ACER2: variants seen among roughly 807,000 people sequenced by gnomAD.
The protein encoded by ACER2 is alkaline ceramidase 2.
Under a neutral mutation model 34.7 loss-of-function variants are expected in ACER2, and 26 were observed. The ratio of observed to expected loss-of-function variants is 0.75; its 90% confidence interval spans 0.55 to 1.04. The LOEUF is 1.04. Among genes scored for constraint, ACER2 ranks in the 50% least tolerant of loss-of-function variants. The pLI, the probability that ACER2 is intolerant of heterozygous loss-of-function variation, is 0.00. For missense variants in ACER2, 352 were observed against 340.8 expected (o/e 1.03, Z -0.26); for synonymous variants, 138 against 132.1 (o/e 1.04, Z -0.31).
chr9:19,420,683 A>G (rs1433174423), intron 1 of ACER2, among the ~76,000 whole-genome samples: 1 of 152,192 alleles, frequency 6.6e-6, no homozygotes, highest in Non-Finnish European at 1.5e-5. Flanking sequence ...TGCTATAACA[A>G]AAGATCTTAG....
intron 4 of ACER2, among the ~76,000 whole-genome samples, chr9:19,436,306 TA>T (rs1830972303): frequency 6.6e-6 from 1 of 152,156 alleles, no homozygotes; most frequent in South Asian, 2.1e-4. Flanking sequence ...TGACGTTTTT[TA>T]AAAAACTAAT....
rs975310974 is a variant in ACER2, at chr9:19,450,237, A to G, written c.642-213A>G. On this transcript the variant is annotated intron_variant, in intron 5 of 5. Transcript: ENST00000340967. ...TTATCCAGCAGGACTATTTAAGAAC[A>G]TTCTAAAACGGGTCCCAAATTGCTG... The G allele has an allele frequency of 9.1e-6, 9 of 985,338 alleles. No individual in the cohort carries two copies. In the African/African-American group the frequency reaches 1.4e-4, roughly 15 times the overall value. 61.0% of individuals were successfully genotyped at this position (985,338 alleles called of 1,614,324 possible).
intron 1 of ACER2, among the ~76,000 whole-genome samples, chr9:19,417,387 A>G (rs1438107201): frequency 6.6e-6 from 1 of 152,226 alleles, no homozygotes; most frequent in Non-Finnish European, 1.5e-5. Context: ...TAAATTTCAT[A>G]TGGAAACAAA....
chr9:19,432,722 A>G (rs1264017325), intron 3 of ACER2, among the ~76,000 whole-genome samples: 2 of 147,952 alleles, frequency 1.4e-5, no homozygotes, highest in African/African-American at 2.5e-5. Context: ...TATATAATAT[A>G]TATTCTTTAC....
intron 3 of ACER2, among the ~76,000 whole-genome samples, chr9:19,428,029 T>G (rs1830629153): frequency 9.9e-6 from 1 of 101,136 alleles, no homozygotes; most frequent in Non-Finnish European, 2.1e-5. Flanking sequence ...TTTCCTTTCC[T>G]TTCCTTTCCT....
At chr9:19,448,525 T>A (rs922983865) in intron 5 of ACER2, among the ~76,000 whole-genome samples, 1 of 152,188 alleles carries the variant, frequency 6.6e-6, no homozygotes, top group African/African-American at 2.4e-5. Context: ...AAACACTTTA[T>A]AATGAACATC....
At position 19,443,236 on chromosome 9, in the gene ACER2, G is replaced by A. The variant is rs574538512; in HGVS notation, c.504-3045G>A. Among the ~76,000 whole-genome samples the A allele has an allele frequency of 4.2e-4, 64 of 152,246 alleles. No homozygotes were observed. In the South Asian group the frequency reaches 0.012, roughly 29 times the overall value. On this transcript the variant is annotated intron_variant, in intron 4 of 5. Transcript: ENST00000340967. ...TTTAGTAGAGACAGGGTTTCACCAC[G>A]TTAGCCAGGATGGTCTTGATCTCCT...
chr9:19,448,646 A>T (rs1415840882), intron 5 of ACER2, among the ~76,000 whole-genome samples: 5 of 152,168 alleles, frequency 3.3e-5, no homozygotes. Flanking sequence ...GTAAGAGAGC[A>T]TTTTTTACCC....
At chr9:19,433,007 C>T (rs1166850588) in intron 3 of ACER2, among the ~76,000 whole-genome samples, 1 of 151,970 alleles carries the variant, frequency 6.6e-6, no homozygotes, top group African/African-American at 2.4e-5. Context: ...ACGAAGAAAA[C>T]AGCTATCCAT....
Position 19,441,048 on chromosome 9 carries a change from C to CT in ACER2, c.504-5216dup, listed in dbSNP as rs539195950. 7.3e-3 allele frequency among the ~76,000 whole-genome samples: 1,017 copies of CT among 138,892 alleles called. 7 individuals carry two copies. The highest frequency in any genetic ancestry group is 0.019 in the Middle Eastern group (5 of 264). 91.1% of individuals were successfully genotyped at this position (138,892 alleles called of 152,430 possible). On this transcript the variant is annotated intron_variant, in intron 4 of 5. Coordinates refer to ENST00000340967, the MANE Select transcript of ACER2 (RefSeq NM_001010887.3). The stretch of plus-strand genomic sequence containing the variant: ...TCAGCACATTTTTCTTTTTCTTTTT[C>CT]TTTTTTTTTTTTTTTTTGAGACAGA...
At position 19,450,672 on chromosome 9, in the gene ACER2, C is replaced by T. The variant is rs369193535; in HGVS notation, c.*36C>T. 1.8e-3 allele frequency: 2,688 copies of T among 1,503,082 alleles called. 71 individuals carry two copies. In the South Asian group the frequency reaches 0.035, roughly 19 times the overall value. 93.1% of individuals were successfully genotyped at this position (1,503,082 alleles called of 1,614,324 possible). A position where few individuals can be genotyped will look rare whatever the true frequency, so the allele number is the denominator to read the frequency against. ...GTGGCTGGCTTCTCTGCTTATCGCC[C>T]CTCATGCAGTGGGCTTCCTTTGCTA... On this transcript the variant is annotated 3_prime_UTR_variant, in exon 6 of 6. Coordinates refer to ENST00000340967, the MANE Select transcript of ACER2 (RefSeq NM_001010887.3).
chr9:19,445,779 T>C (rs1480423996), intron 4 of ACER2, among the ~76,000 whole-genome samples: 2 of 152,176 alleles, frequency 1.3e-5, no homozygotes, highest in Non-Finnish European at 2.9e-5. Flanking sequence ...GTGAATACTT[T>C]GGCTTTCCCT....
At chr9:19,446,693 G>C in intron 5 of ACER2, 1 of 951,076 alleles carries the variant, frequency 1.1e-6, no homozygotes, top group Non-Finnish European at 1.3e-6. Context: ...AAAGCCTAAA[G>C]GAGCTTGAGA....
Position 19,424,839 on chromosome 9 carries a change from C to G in ACER2, c.363C>G (p.Asp121Glu), listed in dbSNP as rs1830511717. ...ATCTACCAAAGATCTTTCGGAATGA[C>G]CGGTAAGCTTGCACTAAACATTATT... The part of the protein sequence containing the change: ...RRYLPKIFRN[D>E]RGRFKVVVSV... Residue 121 changes from aspartate to glutamate, a missense_variant and splice_region_variant, in exon 3 of 6, where the codon GAC becomes GAG. Asp to Glu is a conservative substitution (Grantham distance 45). Coordinates refer to ENST00000340967, the MANE Select transcript of ACER2 (RefSeq NM_001010887.3). The G allele has an allele frequency of 1.2e-6, 2 of 1,614,130 alleles. No individual in the cohort carries two copies.
intron 3 of ACER2, among the ~76,000 whole-genome samples, chr9:19,431,633 A>G (rs1830756550): frequency 6.6e-6 from 1 of 152,206 alleles, no homozygotes; most frequent in Non-Finnish European, 1.5e-5. Flanking sequence ...TTCCTCCAGT[A>G]GACGAAGAAC....
At chr9:19,439,835 C>T (rs1005825901) in intron 4 of ACER2, among the ~76,000 whole-genome samples, 1 of 152,182 alleles carries the variant, frequency 6.6e-6, no homozygotes, top group African/African-American at 2.4e-5. Flanking sequence ...AGTGTGGTGG[C>T]AGATGCTTGT....
chr9:19,450,786 C>T lies in ACER2; in HGVS notation c.*150C>T. On this transcript the variant is annotated 3_prime_UTR_variant, in exon 6 of 6. Coordinates refer to ENST00000340967, the MANE Select transcript of ACER2 (RefSeq NM_001010887.3). ...TGGGGCTCTTAATTTCTTTAGTGTT[C>T]TTTGTATGTAGGGATTTAAACTTTG... is the stretch of plus-strand genomic sequence containing the variant. 1 of 676,212 alleles carries T rather than the reference C, an allele frequency of 1.5e-6. No individual in the cohort carries two copies. Among genetic ancestry groups the T allele is most frequent in the Admixed American group, 3.3e-5 (1 of 30,714 alleles). 41.9% of individuals were successfully genotyped at this position (676,212 alleles called of 1,614,324 possible).
chr9:19,450,419 T>C (rs1831525757), intron 5 of ACER2, 31 bp from the exon 6 acceptor site: 1 of 1,554,412 alleles, frequency 6.4e-7, no homozygotes, highest in South Asian at 1.2e-5. Flanking sequence ...TTCATGCTCA[T>C]CAGGTTCTCA....
chr9:19,423,032 CAAA>C (rs764823366), intron 1 of ACER2, among the ~76,000 whole-genome samples: 10 of 68,948 alleles, frequency 1.5e-4, no homozygotes, highest in Admixed American at 3.4e-4. Flanking sequence ...AACTCTGTCT[CAAA>C]AAAAAAAAAA....
Sources: allele counts gnomAD v4.1 joint callset (sites outside exome capture counted in the v4.1 genomes callset), GRCh38; gene constraint gnomAD v4.1.1; transcripts MANE v1.5; gene names NCBI Gene and HGNC (gene_info 2026-07-23, HGNC 2026-07-21).